The following CNTNAP2 variants were observed in gnomAD, a reference collection of about 807,000 sequenced individuals.
CNTNAP2 encodes the protein contactin-associated protein-like 2.
In CNTNAP2, 98 loss-of-function variants were observed where a neutral mutation model predicts 155.2. That is an observed-to-expected ratio of 0.63 (90% CI 0.54 to 0.75). The LOEUF (loss-of-function observed/expected upper bound fraction) is 0.75, where lower values mean the gene tolerates loss of function less well. CNTNAP2 is among the 30% of genes least tolerant of loss of function. CNTNAP2 has a pLI of 0.00. For synonymous variants in CNTNAP2, 651 were observed against 631.2 expected (o/e 1.03, Z -0.47); for missense variants, 1,727 against 1,688.1 (o/e 1.02, Z -0.40).
intron 10 of CNTNAP2, among the ~76,000 whole-genome samples, chr7:147,423,496 A>G (rs1040608737): frequency 6.6e-6 from 1 of 152,168 alleles, no homozygotes; most frequent in African/African-American, 2.4e-5. Flanking sequence ...GGAATAAACA[A>G]TTCACTAAAC....
intron 16 of CNTNAP2, among the ~76,000 whole-genome samples, chr7:148,133,064 T>C (rs1214136154): frequency 1.3e-5 from 2 of 152,190 alleles, no homozygotes; most frequent in South Asian, 4.1e-4. Context: ...AAAAATGTGA[T>C]AAGGTCATAA....
chr7:147,303,733 G>A (rs1448936469), intron 9 of CNTNAP2, among the ~76,000 whole-genome samples: 1 of 152,126 alleles, frequency 6.6e-6, no homozygotes, highest in African/African-American at 2.4e-5. Context: ...TCTGAACACT[G>A]TGTGGCATAA....
chr7:147,472,467 C>T (rs552385659), intron 10 of CNTNAP2, among the ~76,000 whole-genome samples: 47 of 152,242 alleles, frequency 3.1e-4, no homozygotes, highest in African/African-American at 1.1e-3. Flanking sequence ...CCGACCTCCA[C>T]CTCCCAAAGT....
chr7:148,265,081 A>G (rs540250358), intron 20 of CNTNAP2, among the ~76,000 whole-genome samples: 1 of 152,352 alleles, frequency 6.6e-6, no homozygotes, highest in South Asian at 2.1e-4. Flanking sequence ...TAACAATGGC[A>G]TTTTGCATTT....
chr7:147,638,997 C>T, intron 12 of CNTNAP2, 109 bp from the exon 13 acceptor site: 1 of 1,108,760 alleles, frequency 9.0e-7, no homozygotes, highest in Non-Finnish European at 1.4e-6. Context: ...CACTGTTCTA[C>T]ACCAGCTCAG....
chr7:148,260,823 C>T (rs956679417), intron 20 of CNTNAP2, among the ~76,000 whole-genome samples: 1 of 152,104 alleles, frequency 6.6e-6, no homozygotes. Flanking sequence ...AGAGGAAACG[C>T]AAGCCAATGT....
intron 1 of CNTNAP2, among the ~76,000 whole-genome samples, chr7:146,228,883 G>A (rs759911664): frequency 6.6e-6 from 1 of 152,042 alleles, no homozygotes; most frequent in Non-Finnish European, 1.5e-5. Flanking sequence ...CATCCACAAA[G>A]TTTATTATAG....
At chr7:148,078,549 C>T (rs989920214) in intron 15 of CNTNAP2, among the ~76,000 whole-genome samples, 4 of 152,050 alleles carry the variant, frequency 2.6e-5, no homozygotes, top group African/African-American at 7.2e-5. Flanking sequence ...GGTGCCATCT[C>T]GGCTCACTGC....
intron 1 of CNTNAP2, among the ~76,000 whole-genome samples, chr7:146,585,199 G>A (rs972259728): frequency 6.6e-6 from 1 of 152,074 alleles, no homozygotes; most frequent in Non-Finnish European, 1.5e-5. Flanking sequence ...TCGGCTCACT[G>A]CAACCTCTGA....
intron 1 of CNTNAP2, among the ~76,000 whole-genome samples, chr7:146,625,557 C>T (rs1371879743): frequency 1.3e-5 from 2 of 151,918 alleles, no homozygotes; most frequent in East Asian, 1.9e-4. Context: ...AAATTCTATA[C>T]ATTTGACCAA....
chr7:146,454,191 C>T (rs915217764), intron 1 of CNTNAP2, among the ~76,000 whole-genome samples: 1 of 152,094 alleles, frequency 6.6e-6, no homozygotes, highest in African/African-American at 2.4e-5. Context: ...TTATTCTATA[C>T]TAGTAGATTC....
At chr7:147,749,732 A>G (rs1359750756) in intron 13 of CNTNAP2, among the ~76,000 whole-genome samples, 3 of 152,224 alleles carry the variant, frequency 2.0e-5, no homozygotes, top group African/African-American at 7.2e-5. Context: ...ATTCTGCATT[A>G]CAAAGCCAAA....
At chr7:148,208,290 C>T (rs932219939) in intron 18 of CNTNAP2, among the ~76,000 whole-genome samples, 1 of 152,034 alleles carries the variant, frequency 6.6e-6, no homozygotes, top group Non-Finnish European at 1.5e-5. Context: ...CTAGAAAATT[C>T]GGGGAGAGGA....
chr7:147,193,739 C>A (rs552540552), intron 8 of CNTNAP2, among the ~76,000 whole-genome samples: 2 of 152,164 alleles, frequency 1.3e-5, no homozygotes, highest in South Asian at 2.1e-4. Context: ...TAAAGAATAC[C>A]AGTTGCAAAG....
intron 1 of CNTNAP2, among the ~76,000 whole-genome samples, chr7:146,455,937 A>C (rs1020947842): frequency 1.3e-5 from 2 of 152,186 alleles, no homozygotes; most frequent in African/African-American, 4.8e-5. Flanking sequence ...CACATGAGCC[A>C]CTTATGCTGT....
At chr7:148,067,855 C>T (rs1042583058) in intron 15 of CNTNAP2, among the ~76,000 whole-genome samples, 1 of 152,184 alleles carries the variant, frequency 6.6e-6, no homozygotes, top group Non-Finnish European at 1.5e-5. Flanking sequence ...GTGTGGTTCT[C>T]AGGCCAATGG....
intron 8 of CNTNAP2, among the ~76,000 whole-genome samples, chr7:147,267,834 C>T (rs1370218487): frequency 3.3e-5 from 5 of 152,176 alleles, no homozygotes; most frequent in Non-Finnish European, 7.3e-5. Flanking sequence ...TTCAGCTCTT[C>T]ATTTTCCTAC....
At chr7:147,471,944 C>A (rs935399559) in intron 10 of CNTNAP2, among the ~76,000 whole-genome samples, 1 of 151,994 alleles carries the variant, frequency 6.6e-6, no homozygotes, top group African/African-American at 2.4e-5. Context: ...AAGGGAAGAA[C>A]CAAAAAATAC....
At chr7:147,010,614 G>T (rs750759922) in intron 3 of CNTNAP2, among the ~76,000 whole-genome samples, 1 of 152,082 alleles carries the variant, frequency 6.6e-6, no homozygotes, top group Non-Finnish European at 1.5e-5. Flanking sequence ...TGATACTACC[G>T]TATTATAACT....
Sources: gnomAD v4.1 joint callset for allele counts (sites outside exome capture counted in the v4.1 genomes callset) on GRCh38, gnomAD v4.1.1 for gene constraint, MANE v1.5 for transcripts, NCBI Gene and HGNC (gene_info 2026-07-23, HGNC 2026-07-21) for gene names.